Variants in PCSK5 observed in about 807,000 individuals in gnomAD.
PCSK5 encodes prohormone convertase 5.
A neutral mutation model predicts 233.2 loss-of-function variants in PCSK5; 129 were observed. The observed-to-expected ratio is 0.55, with a 90% confidence interval of 0.48 to 0.64. The LOEUF (loss-of-function observed/expected upper bound fraction) is 0.64, where lower values mean the gene tolerates loss of function less well. Ranked by LOEUF, PCSK5 falls within the 30% of genes least tolerant of loss-of-function variation. The probability of loss-of-function intolerance (pLI) is 0.00; values close to 1 mark genes in which losing one functional copy is unlikely to be tolerated. For synonymous variants in PCSK5, 825 were observed against 879.2 expected, an observed-to-expected ratio of 0.94 and a Z score of 1.09; for missense variants, 2,076 against 2,430.1, an observed-to-expected ratio of 0.85 and a Z score of 3.06.
chr9:75,996,102 A>C (rs1827010864), intron 3 of PCSK5, among the ~76,000 whole-genome samples: 2 of 152,206 alleles, frequency 1.3e-5, no homozygotes, highest in African/African-American at 4.8e-5. Context: ...TATTCATTAA[A>C]TCAATAACAC....
intron 9 of PCSK5, among the ~76,000 whole-genome samples, chr9:76,117,151 G>A (rs892997705): frequency 3.3e-5 from 5 of 151,836 alleles, no homozygotes; most frequent in African/African-American, 1.2e-4. Flanking sequence ...TAGCTAGTTT[G>A]GTATGTGCCT....
At chr9:76,081,761 G>A (rs1830847001) in intron 7 of PCSK5, among the ~76,000 whole-genome samples, 1 of 151,970 alleles carries the variant, frequency 6.6e-6, no homozygotes, top group African/African-American at 2.4e-5. Context: ...TCTCTCACTT[G>A]TTGATGGCTC....
At chr9:76,308,190 C>G (rs535057910) in intron 28 of PCSK5, among the ~76,000 whole-genome samples, 2 of 152,146 alleles carry the variant, frequency 1.3e-5, no homozygotes, top group South Asian at 4.2e-4. Flanking sequence ...GAGTGAGACT[C>G]TGTCTCAAAA....
intron 35 of PCSK5, among the ~76,000 whole-genome samples, chr9:76,346,633 C>T (rs186683548): frequency 2.8e-3 from 420 of 152,128 alleles, no homozygotes; most frequent in Admixed American, 5.4e-3. Flanking sequence ...CCTTTCTTTA[C>T]TATAGCACAT....
At chr9:76,248,203 T>G (rs1826681826) in intron 24 of PCSK5, among the ~76,000 whole-genome samples, 1 of 152,188 alleles carries the variant, frequency 6.6e-6, no homozygotes, top group Non-Finnish European at 1.5e-5. Flanking sequence ...GTGCTAGGAT[T>G]ACAGGCATGA....
chr9:75,924,016 C>A (rs906150878), intron 1 of PCSK5, among the ~76,000 whole-genome samples: 2 of 152,116 alleles, frequency 1.3e-5, no homozygotes, highest in African/African-American at 4.8e-5. Context: ...TGATATTAAA[C>A]CCCATTTCAA....
At position 76,079,249 on chromosome 9, in the gene PCSK5, G is replaced by A. The variant is rs559170449; in HGVS notation, c.894+7351G>A. ...CTCCCAAGTAGCTGGGACTACAGGTGCGCACTACCGTGCCCAGCTAATTTT... is the reference window on the plus strand; with the variant it reads ...CTCCCAAGTAGCTGGGACTACAGGTACGCACTACCGTGCCCAGCTAATTTT... On this transcript the variant is annotated intron_variant, in intron 7 of 37. Coordinates refer to ENST00000674117, the MANE Select transcript of PCSK5 (RefSeq NM_001372043.1). Among the ~76,000 whole-genome samples the A allele has an allele frequency of 9.5e-4, 144 of 151,702 alleles. 3 individuals are homozygous for A. Among genetic ancestry groups the A allele is most frequent in the Admixed American group, 7.9e-4 (12 of 15,250 alleles).
chr9:76,070,025 G>A (rs1028071152), intron 6 of PCSK5, among the ~76,000 whole-genome samples: 2 of 144,674 alleles, frequency 1.4e-5, no homozygotes, highest in Non-Finnish European at 3.0e-5. Flanking sequence ...TTTTTAGACG[G>A]AGTCTCGCTC....
intron 8 of PCSK5, among the ~76,000 whole-genome samples, chr9:76,104,034 T>G (rs1045626355): frequency 6.6e-6 from 1 of 152,170 alleles, no homozygotes; most frequent in Non-Finnish European, 1.5e-5. Flanking sequence ...CACTGTCAGA[T>G]CCTATATACA....
intron 10 of PCSK5, among the ~76,000 whole-genome samples, chr9:76,152,507 G>A (rs374511725): frequency 6.6e-5 from 10 of 152,116 alleles, no homozygotes; most frequent in South Asian, 6.2e-4. Flanking sequence ...ATTTGTTTGC[G>A]GGATGCTGCA....
rs565293940 is a variant in PCSK5, at chr9:76,009,196, G to A, written c.412-14542G>A. ...ATGCAAATTTAATTTTATAACAAAC[G>A]TAGTGATCATAACATATTATTTCCT... On this transcript the variant is annotated intron_variant, in intron 3 of 37. Coordinates refer to ENST00000674117, the MANE Select transcript of PCSK5 (RefSeq NM_001372043.1). Among the ~76,000 whole-genome samples, 16 of 152,174 alleles carry A rather than the reference G, an allele frequency of 1.1e-4. No individual in the cohort carries two copies. The South Asian group carries it at 2.5e-3, about 24-fold the overall frequency.
At chr9:76,159,508 C>A (rs747069619) in intron 12 of PCSK5, among the ~76,000 whole-genome samples, 1 of 152,190 alleles carries the variant, frequency 6.6e-6, no homozygotes, top group East Asian at 1.9e-4. Context: ...TCATTCGTTA[C>A]AGATTAACCG....
At chr9:76,108,436 T>C (rs1024817043) in intron 9 of PCSK5, among the ~76,000 whole-genome samples, 2 of 152,184 alleles carry the variant, frequency 1.3e-5, no homozygotes, top group African/African-American at 4.8e-5. Context: ...AATACAAGGA[T>C]AATGAAGAGG....
At chr9:76,327,580 C>T (rs997688219) in intron 32 of PCSK5, among the ~76,000 whole-genome samples, 2 of 152,098 alleles carry the variant, frequency 1.3e-5, no homozygotes, top group Non-Finnish European at 2.9e-5. Flanking sequence ...CAATTAAATA[C>T]ATTCCAACAA....
intron 24 of PCSK5, among the ~76,000 whole-genome samples, chr9:76,282,248 G>A (rs1177222271): frequency 7.0e-6 from 1 of 142,366 alleles, no homozygotes; most frequent in Non-Finnish European, 1.5e-5. Flanking sequence ...CTCCTGACTA[G>A]CTAGGACTAC....
At chr9:75,964,099 C>T (rs1414407592) in intron 2 of PCSK5, among the ~76,000 whole-genome samples, 5 of 152,176 alleles carry the variant, frequency 3.3e-5, no homozygotes, top group Non-Finnish European at 7.3e-5. Flanking sequence ...GGGAGAGTAT[C>T]TGGACTGTCA....
chr9:76,128,924 AAAAC>A (rs1204158490), intron 9 of PCSK5, among the ~76,000 whole-genome samples: 3 of 152,220 alleles, frequency 2.0e-5, no homozygotes, highest in African/African-American at 7.2e-5. Flanking sequence ...AAAACAAAGC[AAAAC>A]AAATGCACCC....
chr9:75,959,793 C>T (rs1415305142), intron 2 of PCSK5, among the ~76,000 whole-genome samples: 1 of 152,198 alleles, frequency 6.6e-6, no homozygotes, highest in Non-Finnish European at 1.5e-5. Flanking sequence ...ATTGGATACT[C>T]ACCATGTGCT....
chr9:76,264,816 T>G (rs765759192), intron 24 of PCSK5, among the ~76,000 whole-genome samples: 48 of 152,342 alleles, frequency 3.2e-4, no homozygotes, highest in Admixed American at 4.6e-4. Flanking sequence ...GAAGGCACTT[T>G]GGAGATTTCT....
Sources: gnomAD v4.1 joint callset for allele counts (sites outside exome capture counted in the v4.1 genomes callset) on GRCh38, gnomAD v4.1.1 for gene constraint, MANE v1.5 for transcripts, NCBI Gene and HGNC (gene_info 2026-07-23, HGNC 2026-07-21) for gene names.